The following NOC3L variants were observed in gnomAD, a reference collection of about 807,000 sequenced individuals.
The protein encoded by NOC3L is nucleolar complex protein 3 homolog.
Under a neutral mutation model 102.5 loss-of-function variants are expected in NOC3L, and 85 were observed. That is an observed-to-expected ratio of 0.83 (90% confidence interval 0.70 to 0.99). NOC3L has a LOEUF of 0.99. NOC3L is among the 50% of genes least tolerant of loss of function. The probability of loss-of-function intolerance (pLI) is 0.00; values close to 1 mark genes in which losing one functional copy is unlikely to be tolerated. For synonymous variants in NOC3L, 303 were observed against 309.4 expected, an observed-to-expected ratio of 0.98 and a Z score of 0.22; for missense variants, 878 against 914.9, an observed-to-expected ratio of 0.96 and a Z score of 0.52.
Position 94,356,579 on chromosome 10 carries a change from T to G in NOC3L, c.521A>C (p.Asn174Thr). 1 of 1,565,158 alleles carries G rather than the reference T, an allele frequency of 6.4e-7. No homozygotes were observed. Among genetic ancestry groups the G allele is most frequent in the Non-Finnish European group, 8.8e-7 (1 of 1,136,658 alleles). ...TTCTTCTTGATCCTCTTCATCTTTG[T>G]TACTATCAGTAACTATATGGAAAAC... ...QTREKPVTDS[N>T]KDEEDQEEER... The change falls in exon 5 of 21, where the codon AAC becomes ACC. Residue 174 changes from asparagine to threonine, a missense_variant. By Grantham distance (65) the Asn-to-Thr change is moderately conservative (BLOSUM62 0). Transcript: ENST00000371361.
chr10:94,356,645 C>T lies in NOC3L; in HGVS notation c.509-54G>A, dbSNP rs541945022. On this transcript the variant is annotated intron_variant, in intron 4 of 20. Transcript: ENST00000371361. Reference sequence around the variant, plus strand: ...GTGATATATACTTAAGTGGTAAAAACTGTAAAGAAATGCTAGGAGGTGATT... The same window carrying T: ...GTGATATATACTTAAGTGGTAAAAATTGTAAAGAAATGCTAGGAGGTGATT... 9.2e-6 allele frequency: 10 copies of T among 1,086,574 alleles called. No homozygotes were observed. In the African/African-American group the frequency reaches 1.3e-4, roughly 14 times the overall value. 67.3% of individuals were successfully genotyped at this position (1,086,574 alleles called of 1,614,324 possible). A position where few individuals can be genotyped will look rare whatever the true frequency, so the allele number is the denominator to read the frequency against.
In NOC3L at chr10:94,349,335, T is replaced by C; in HGVS notation, c.1172A>G (p.Gln391Arg). The C allele has an allele frequency of 6.3e-7, 1 of 1,583,464 alleles. No homozygotes were observed. Among genetic ancestry groups the C allele is most frequent in the East Asian group, 2.2e-5 (1 of 44,530 alleles). Residue 391 changes from glutamine to arginine, a missense_variant, in exon 10 of 21, where the codon CAA (glutamine) becomes CGA (arginine). Physicochemically the swap from Gln to Arg is conservative, Grantham distance 43. Coordinates refer to ENST00000371361, the MANE Select transcript of NOC3L (RefSeq NM_022451.11). ...AAGAGAAGCTTGGCCTAATTTATCTTGCTTAAAGAGTTTCTTCACAGCTTC... is the reference window on the plus strand; with the variant it reads ...AAGAGAAGCTTGGCCTAATTTATCTCGCTTAAAGAGTTTCTTCACAGCTTC... Reference protein sequence around the residue: ...CCEAVKKLFKQDKLGQASLGV... With the variant: ...CCEAVKKLFKRDKLGQASLGV...
chr10:94,351,502 T>C (rs1194983834), intron 8 of NOC3L, among the ~76,000 whole-genome samples: 1 of 152,114 alleles, frequency 6.6e-6, no homozygotes, highest in African/African-American at 2.4e-5. Flanking sequence ...GACATGCAAA[T>C]ATCCATTTCT....
Position 94,340,510 on chromosome 10 carries a change from A to T in NOC3L, c.1645-14T>A. The T allele has an allele frequency of 1.4e-5, 10 of 716,390 alleles. No homozygotes were observed. Among genetic ancestry groups the T allele is most frequent in the Non-Finnish European group, 1.8e-5 (8 of 446,172 alleles). 44.4% of individuals were successfully genotyped at this position (716,390 alleles called of 1,614,324 possible). A position where few individuals can be genotyped will look rare whatever the true frequency, so the allele number is the denominator to read the frequency against. On this transcript the variant is annotated splice_polypyrimidine_tract_variant and intron_variant, in intron 14 of 20. Coordinates refer to ENST00000371361, the MANE Select transcript of NOC3L (RefSeq NM_022451.11). ...ATAGCTTAGGTCCTTTAAAAAAAAA[A>T]GGGGGGGGTGAGGGGGATGGAATAT...
At position 94,362,033 on chromosome 10, in the gene NOC3L, C is replaced by T. The variant is rs1037400877; in HGVS notation, c.10-161G>A. ...CTAAAACCAAACGATGGCTTTAATC[C>T]TACAGAAGAGCGCTACAGCATCAGT... On this transcript the variant is annotated intron_variant, in intron 1 of 20. Coordinates refer to ENST00000371361, the MANE Select transcript of NOC3L (RefSeq NM_022451.11). The T allele has an allele frequency of 4.4e-6, 3 of 688,654 alleles. No individual in the cohort carries two copies. The African/African-American group carries it at 5.3e-5, about 12-fold the overall frequency. The allele number at this position is 688,654 out of a possible 1,614,324, so 42.7% of individuals were successfully genotyped here.
intron 6 of NOC3L, among the ~76,000 whole-genome samples, chr10:94,353,722 T>G (rs887638956): frequency 6.6e-6 from 1 of 152,244 alleles, no homozygotes; most frequent in African/African-American, 2.4e-5. Flanking sequence ...TTAGCTATTT[T>G]GGGAAATTCT....
intron 11 of NOC3L, among the ~76,000 whole-genome samples, chr10:94,345,163 T>C (rs1474223973): frequency 2.0e-5 from 3 of 152,102 alleles, no homozygotes; most frequent in Non-Finnish European, 4.4e-5. Flanking sequence ...AGAAAAGAAA[T>C]TCCTACTCTC....
the NOC3L span, chr10:94,328,074 A>G: frequency 4.4e-5 from 21 of 476,784 alleles, no homozygotes; most frequent in Non-Finnish European, 7.8e-5. Flanking sequence ...TGAAGCCTTC[A>G]CACATGTGAG....
chr10:94,342,833 C>T (rs2054301564), intron 13 of NOC3L, among the ~76,000 whole-genome samples: 1 of 151,906 alleles, frequency 6.6e-6, no homozygotes, highest in Non-Finnish European at 1.5e-5. Flanking sequence ...GCCTGTAATC[C>T]CAGCACTTTG....
chr10:94,326,352 C>T, the NOC3L span, among the ~76,000 whole-genome samples: 2 of 152,326 alleles, frequency 1.3e-5, no homozygotes, highest in East Asian at 3.9e-4. Context: ...AGGCCCAATA[C>T]ATTGAGATCA....
intron 5 of NOC3L, among the ~76,000 whole-genome samples, chr10:94,355,415 G>C (rs1462972195): frequency 1.3e-5 from 2 of 148,924 alleles, no homozygotes; most frequent in African/African-American, 4.9e-5. Flanking sequence ...TTTTGAGACA[G>C]GGTCTCACTT....
the NOC3L span, chr10:94,322,046 A>G: frequency 6.2e-7 from 1 of 1,614,120 alleles, no homozygotes; most frequent in Non-Finnish European, 8.5e-7. Context: ...ACTGCACAGG[A>G]TGTCATTCAG....
rs569654982 is a variant in NOC3L, at chr10:94,339,532, A to G, written c.1962+207T>C. Among the ~76,000 whole-genome samples, 3 of 152,310 alleles carry G rather than the reference A, an allele frequency of 2.0e-5. No individual in the cohort carries two copies. The South Asian group carries it at 6.2e-4, about 32-fold the overall frequency. On this transcript the variant is annotated intron_variant, in intron 17 of 20. Coordinates refer to ENST00000371361, the MANE Select transcript of NOC3L (RefSeq NM_022451.11). ...AAAATACCCACCAAATGGTAAATGG[A>G]TACCCACCTAATGACACTGAGAAGT...
rs145971513 is a variant in NOC3L, at chr10:94,349,979, C to T, written c.1128+134G>A. 6,296 of 715,844 alleles carry T rather than the reference C, an allele frequency of 8.8e-3. 341 individuals are homozygous for T. In the Admixed American group the frequency reaches 0.1, roughly 11 times the overall value. 44.3% of individuals were successfully genotyped at this position (715,844 alleles called of 1,614,324 possible). A position where few individuals can be genotyped will look rare whatever the true frequency, so the allele number is the denominator to read the frequency against. On this transcript the variant is annotated intron_variant, in intron 9 of 20. Transcript: ENST00000371361. Reference sequence around the variant, plus strand: ...TTCACCATGTTAGCTGGGGTGGTCTCGATCTCCTGACCTCGTGATCTGCCT... The same window carrying T: ...TTCACCATGTTAGCTGGGGTGGTCTTGATCTCCTGACCTCGTGATCTGCCT...
In NOC3L at chr10:94,344,620, C is replaced by G. The variant is rs150050518; in HGVS notation, c.1471-105G>C. ...AGGTTAACTTTTTTCCCTACCCATCCCTCCCCACAATGCAATCTTTGAAAT... is the reference window on the plus strand; with the variant it reads ...AGGTTAACTTTTTTCCCTACCCATCGCTCCCCACAATGCAATCTTTGAAAT... On this transcript the variant is annotated intron_variant, in intron 12 of 20. Coordinates refer to ENST00000371361, the MANE Select transcript of NOC3L (RefSeq NM_022451.11). The G allele has an allele frequency of 5.5e-4, 416 of 762,114 alleles. 3 individuals are homozygous for G. The East Asian group carries it at 0.011, about 20-fold the overall frequency. 47.2% of individuals were successfully genotyped at this position (762,114 alleles called of 1,614,324 possible). A position where few individuals can be genotyped will look rare whatever the true frequency, so the allele number is the denominator to read the frequency against.
chr10:94,340,347 C>T lies in NOC3L; in HGVS notation c.1709G>A (p.Gly570Asp). The change falls in exon 16 of 21, where the codon GGT (glycine) becomes GAT (aspartate). Residue 570 changes from glycine (G) to aspartate (D), a missense_variant and splice_region_variant. By Grantham distance (94) the Gly-to-Asp change is moderately conservative. Coordinates refer to ENST00000371361, the MANE Select transcript of NOC3L (RefSeq NM_022451.11). ...QTAFHILSGQ[G>D]DVLNIDPLKF... is the part of the protein sequence containing the mutation. ...CAATGGATCAATATTCAGAACATCACCTTTGAAATGACAACAAACACCAAT... is the reference window on the plus strand; with the variant it reads ...CAATGGATCAATATTCAGAACATCATCTTTGAAATGACAACAAACACCAAT... 1.2e-6 allele frequency: 2 copies of T among 1,613,158 alleles called. No individual in the cohort carries two copies. The highest frequency in any genetic ancestry group is 1.7e-6 in the Non-Finnish European group (2 of 1,179,670).
At chr10:94,316,659 G>A in the NOC3L span, 1 of 1,613,284 alleles carries the variant, frequency 6.2e-7, no homozygotes, top group Non-Finnish European at 8.5e-7. Context: ...CCATTCCAGA[G>A]AGCCATTGGT....
At chr10:94,325,183 T>TC in the NOC3L span, 1 of 1,017,476 alleles carries the variant, frequency 9.8e-7, no homozygotes, top group Non-Finnish European at 1.5e-6. Flanking sequence ...TAGTACAATG[T>TC]CTTTTATCTT....
chr10:94,352,441 A>G, intron 7 of NOC3L, 38 bp from the exon 8 acceptor site: 1 of 1,414,414 alleles, frequency 7.1e-7, no homozygotes, highest in South Asian at 1.2e-5. Context: ...TTTTAAAATC[A>G]GAACATTAAA....
Sources: allele counts gnomAD v4.1 joint callset (sites outside exome capture counted in the v4.1 genomes callset), GRCh38; gene constraint gnomAD v4.1.1; transcripts MANE v1.5; gene names NCBI Gene and HGNC (gene_info 2026-07-23, HGNC 2026-07-21).